DDHD1: variants seen among roughly 807,000 people sequenced by gnomAD.
DDHD1 encodes the protein DDHD domain containing 1.
In DDHD1, 49 loss-of-function variants were observed where a neutral mutation model predicts 96.4. The observed-to-expected ratio is 0.51, with a 90% CI of 0.40 to 0.64. The LOEUF is 0.64. Ranked by LOEUF, DDHD1 falls within the 30% of genes least tolerant of loss-of-function variation. The probability of loss-of-function intolerance (pLI) is 0.00; values close to 1 mark genes in which losing one functional copy is unlikely to be tolerated. For synonymous variants in DDHD1, 442 were observed against 446.5 expected (o/e 0.99, Z 0.13); for missense variants, 1,106 against 1,161.2 (o/e 0.95, Z 0.69).
rs992265755 is a variant in DDHD1, at chr14:53,153,180, C to T, written c.-82G>A. The T allele has an allele frequency of 3.0e-5, 36 of 1,185,716 alleles. No homozygotes were observed. The highest frequency in any genetic ancestry group is 3.7e-5 in the Non-Finnish European group (34 of 912,312). The allele number at this position is 1,185,716 out of a possible 1,614,324, so 73.4% of individuals were successfully genotyped here. Reference sequence around the variant, plus strand: ...TCCGCCACACATTCAACGCCGCCGCCCTCTCCACCCGAAGTTTCTAATCTT... The same window carrying T: ...TCCGCCACACATTCAACGCCGCCGCTCTCTCCACCCGAAGTTTCTAATCTT... On this transcript the variant is annotated 5_prime_UTR_variant, in exon 1 of 13. Transcript: ENST00000673822.
intron 3 of DDHD1, 145 bp downstream of exon 3, chr14:53,093,170 TA>T: frequency 1.4e-6 from 1 of 732,334 alleles, no homozygotes; most frequent in Non-Finnish European, 2.0e-6. Flanking sequence ...ATCAACTTAA[TA>T]AAAGTTTCAT....
In DDHD1 at chr14:53,152,821, G is replaced by A. The variant is rs368145864; in HGVS notation, c.278C>T (p.Ser93Phe). 67 of 1,611,192 alleles carry A rather than the reference G, an allele frequency of 4.2e-5. No individual in the cohort carries two copies. Among genetic ancestry groups the A allele is most frequent in the African/African-American group, 5.4e-5 (4 of 74,522 alleles). ...GCGCAGCGAGGAGCCCGACTCGGCGGAGCTGAAGTCATAGTTCTCGTCACT... is the reference window on the plus strand; with the variant it reads ...GCGCAGCGAGGAGCCCGACTCGGCGAAGCTGAAGTCATAGTTCTCGTCACT... ...CLSDENYDFS[S>F]AESGSSLRYY... The change falls in exon 1 of 13, where the codon TCC becomes TTC. Residue 93 changes from serine to phenylalanine, a missense_variant. Around this residue, in one of 2 missense-constraint regions of DDHD1, gnomAD observed 456 missense variants for 402.4 expected, o/e 1.13. Coordinates refer to ENST00000673822, the MANE Select transcript of DDHD1 (RefSeq NM_001160148.2).
At chr14:53,123,011 TGA>T (rs990164899) in intron 1 of DDHD1, among the ~76,000 whole-genome samples, 4 of 151,900 alleles carry the variant, frequency 2.6e-5, no homozygotes, top group African/African-American at 9.7e-5. Flanking sequence ...TCACCGGTAA[TGA>T]GAGAGACAGA....
chr14:53,104,300 T>C (rs1887528034), intron 1 of DDHD1, among the ~76,000 whole-genome samples: 2 of 152,222 alleles, frequency 1.3e-5, no homozygotes, highest in African/African-American at 2.4e-5. Flanking sequence ...CTATGGCACA[T>C]ACTTTTACTT....
chr14:53,052,201 C>T (rs574796953), intron 11 of DDHD1, among the ~76,000 whole-genome samples: 1 of 150,942 alleles, frequency 6.6e-6, no homozygotes, highest in African/African-American at 2.4e-5. Context: ...CAAAACAATG[C>T]TAAAAGAAAC....
chr14:53,118,652 TG>T (rs1440124877), intron 1 of DDHD1, among the ~76,000 whole-genome samples: 2 of 152,084 alleles, frequency 1.3e-5, no homozygotes, highest in African/African-American at 4.8e-5. Context: ...CCAAGAAATA[TG>T]GGACTATGTG....
intron 9 of DDHD1, 81 bp from the exon 10 acceptor site, chr14:53,055,993 T>C: frequency 8.3e-7 from 1 of 1,202,092 alleles, no homozygotes; most frequent in Non-Finnish European, 1.2e-6. Context: ...CTTACTCTAC[T>C]GCATGTTAAG....
At chr14:53,126,756 T>TA (rs1350025812) in intron 1 of DDHD1, among the ~76,000 whole-genome samples, 1 of 152,242 alleles carries the variant, frequency 6.6e-6, no homozygotes, top group Non-Finnish European at 1.5e-5. Flanking sequence ...TCCCATCTTT[T>TA]TTTTTACCTA....
chr14:53,140,253 G>C (rs1179179963), intron 1 of DDHD1, among the ~76,000 whole-genome samples: 5 of 152,186 alleles, frequency 3.3e-5, no homozygotes, highest in East Asian at 1.9e-4. Context: ...GCTTAGAAAG[G>C]CCTGATGCAG....
chr14:53,090,451 A>G (rs1462506057), intron 4 of DDHD1, among the ~76,000 whole-genome samples: 4 of 152,214 alleles, frequency 2.6e-5, no homozygotes, highest in African/African-American at 9.6e-5. Flanking sequence ...ACTATTCACA[A>G]TAGCAAAGAC....
chr14:53,063,865 G>A (rs557714334), intron 6 of DDHD1, among the ~76,000 whole-genome samples: 3 of 152,148 alleles, frequency 2.0e-5, no homozygotes, highest in Non-Finnish European at 2.9e-5. Context: ...GAGTATTTTC[G>A]TAATTTTTCT....
At chr14:53,047,858 A>C (rs1304945727) in intron 12 of DDHD1, among the ~76,000 whole-genome samples, 2 of 152,234 alleles carry the variant, frequency 1.3e-5, no homozygotes, top group African/African-American at 2.4e-5. Context: ...GAACTCCTTT[A>C]AACTGTTAAT....
chr14:53,051,361 T>C (rs931798503), intron 12 of DDHD1, among the ~76,000 whole-genome samples: 7 of 151,970 alleles, frequency 4.6e-5, no homozygotes, highest in African/African-American at 1.4e-4. Flanking sequence ...TAAAAGTGAA[T>C]GTACTCCCCT....
chr14:53,041,368 T>C lies in DDHD1; in HGVS notation c.*5400A>G, dbSNP rs1271235233. 1 of 152,126 alleles carries C rather than the reference T, an allele frequency of 6.6e-6. No homozygotes were observed. Among genetic ancestry groups the C allele is most frequent in the East Asian group, 1.9e-4 (1 of 5,186 alleles). 9.4% of individuals were successfully genotyped at this position (152,126 alleles called of 1,614,324 possible). ...ACCCTAACAATCTGCCAATGGACTATTTTTGGGGAATGCACATACATACAC... is the reference window on the plus strand; with the variant it reads ...ACCCTAACAATCTGCCAATGGACTACTTTTGGGGAATGCACATACATACAC... On this transcript the variant is annotated 3_prime_UTR_variant, in exon 13 of 13. Transcript: ENST00000673822.
At chr14:53,095,053 G>A (rs1886765295) in intron 2 of DDHD1, among the ~76,000 whole-genome samples, 2 of 152,146 alleles carry the variant, frequency 1.3e-5, no homozygotes, top group African/African-American at 2.4e-5. Context: ...CACAAATACA[G>A]CAATGTTTGT....
At chr14:53,107,149 T>C (rs571227720) in intron 1 of DDHD1, among the ~76,000 whole-genome samples, 88 of 152,310 alleles carry the variant, frequency 5.8e-4, no homozygotes, top group African/African-American at 2.0e-3. Context: ...TTGAACCTTA[T>C]AATGTTTTTG....
chr14:53,133,622 T>C (rs1423814109), intron 1 of DDHD1, among the ~76,000 whole-genome samples: 1 of 152,184 alleles, frequency 6.6e-6, no homozygotes. Context: ...TTCTCAGAAT[T>C]CGGGCCTGTC....
chr14:53,103,508 T>A, intron 2 of DDHD1, 175 bp downstream of exon 2: 1 of 530,932 alleles, frequency 1.9e-6, no homozygotes, highest in Non-Finnish European at 3.2e-6. Flanking sequence ...ATTGAGATAG[T>A]TCAGATATTT....
intron 4 of DDHD1, among the ~76,000 whole-genome samples, chr14:53,091,393 C>T (rs1886416429): frequency 6.6e-6 from 1 of 152,166 alleles, no homozygotes; most frequent in Non-Finnish European, 1.5e-5. Flanking sequence ...GGTTAAGCTG[C>T]TAACTGGCTA....
Sources: allele counts gnomAD v4.1 joint callset (sites outside exome capture counted in the v4.1 genomes callset), GRCh38; gene constraint gnomAD v4.1.1; regional missense constraint gnomAD v4.1.1; transcripts MANE v1.5; gene names NCBI Gene and HGNC (gene_info 2026-07-23, HGNC 2026-07-21).